Variants in NRXN1 observed in about 807,000 individuals in gnomAD.
NRXN1 encodes neurexin 1.
A neutral mutation model predicts 150.9 loss-of-function variants in NRXN1; 39 were observed. The observed-to-expected ratio is 0.26, with a 90% CI of 0.20 to 0.34. The LOEUF (loss-of-function observed/expected upper bound fraction) is 0.34. Among genes scored for constraint, NRXN1 ranks in the 10% least tolerant of loss-of-function variants. NRXN1 has a pLI of 1.00. For missense variants in NRXN1, 1,815 were observed against 1,949.9 expected, an observed-to-expected ratio of 0.93 and a Z score of 1.30; for synonymous variants, 924 against 757.0, an observed-to-expected ratio of 1.22 and a Z score of -3.62.
chr2:49,965,541 T>C (rs953501424), intron 21 of NRXN1, among the ~76,000 whole-genome samples: 4 of 152,194 alleles, frequency 2.6e-5, no homozygotes, highest in Non-Finnish European at 5.9e-5. Context: ...GTGCTGGGAT[T>C]ACAGGTGTGA....
chr2:49,922,014 T>G lies in NRXN1; in HGVS notation c.4454A>C (p.Glu1485Ala). ...SAQSNGAVVK[E>A]KQPSSAKSSN... The stretch of plus-strand genomic sequence containing the variant: ...GCTTTTCGCACTGCTGGGTTGTTTC[T>G]CCTTTACAACAGCCCCATTGGACTG... Residue 1485 changes from glutamate (E) to alanine (A), a missense_variant, in exon 23 of 23, where the codon GAG (glutamate) becomes GCG (alanine). Glu to Ala is a moderately radical substitution (Grantham distance 107). Transcript: ENST00000401669. 2 of 1,614,204 alleles carry G rather than the reference T, an allele frequency of 1.2e-6. No homozygotes were observed. The highest frequency in any genetic ancestry group is 1.7e-6 in the Non-Finnish European group (2 of 1,180,024).
intron 2 of NRXN1, among the ~76,000 whole-genome samples, chr2:50,955,294 T>C (rs1287173206): frequency 2.6e-5 from 4 of 152,202 alleles, no homozygotes; most frequent in Non-Finnish European, 4.4e-5. Flanking sequence ...GAGGGACGGC[T>C]GGCCCTGACT....
In NRXN1 at chr2:50,552,999, C is replaced by G; in HGVS notation, c.1347G>C (p.Arg449Ser). The change falls in exon 9 of 23, where the codon AGG becomes AGC. Residue 449 changes from arginine (R) to serine (S), a missense_variant. Coordinates refer to ENST00000401669, the MANE Select transcript of NRXN1 (RefSeq NM_001330078.2). ...GCTTGGCAAGTCGAGATAATTCCAG[C>G]CTCACATCATTATTTTTATATACAA... ...KEVVYKNNDV[R>S]LELSRLAKQG... The G allele has an allele frequency of 6.2e-7, 1 of 1,610,690 alleles. No homozygotes were observed. The highest frequency in any genetic ancestry group is 8.5e-7 in the Non-Finnish European group (1 of 1,178,264).
intron 2 of NRXN1, among the ~76,000 whole-genome samples, chr2:51,003,305 C>T (rs1392230602): frequency 6.6e-6 from 1 of 151,850 alleles, no homozygotes; most frequent in East Asian, 1.9e-4. Context: ...CACTTATTTA[C>T]CCTGTAGCAT....
chr2:50,560,525 C>A (rs1396867578), intron 8 of NRXN1, among the ~76,000 whole-genome samples: 1 of 151,990 alleles, frequency 6.6e-6, no homozygotes, highest in African/African-American at 2.4e-5. Flanking sequence ...CTCTGCTGCC[C>A]AGGTACAAGC....
At chr2:50,320,954 A>G (rs535934169) in intron 17 of NRXN1, among the ~76,000 whole-genome samples, 204 of 152,258 alleles carry the variant, frequency 1.3e-3, no homozygotes, top group African/African-American at 4.6e-3. Context: ...TGCAGCCTGA[A>G]AGTTGTGTAG....
At chr2:51,001,882 T>C (rs941547629) in intron 2 of NRXN1, among the ~76,000 whole-genome samples, 1 of 151,922 alleles carries the variant, frequency 6.6e-6, no homozygotes, top group African/African-American at 2.4e-5. Context: ...TTTTCTGACC[T>C]TCTCCTGAAG....
intron 19 of NRXN1, among the ~76,000 whole-genome samples, chr2:50,083,766 C>T (rs1445565837): frequency 6.6e-6 from 1 of 152,120 alleles, no homozygotes; most frequent in East Asian, 1.9e-4. Flanking sequence ...AATCCCTGAG[C>T]TAGACACAAA....
intron 2 of NRXN1, among the ~76,000 whole-genome samples, chr2:50,963,079 T>C (rs1693468427): frequency 6.6e-6 from 1 of 151,654 alleles, no homozygotes; most frequent in African/African-American, 2.4e-5. Context: ...ACACAAGTGT[T>C]GTCTTAATTG....
intron 5 of NRXN1, among the ~76,000 whole-genome samples, chr2:50,867,484 C>T (rs1004989755): frequency 2.6e-5 from 4 of 151,818 alleles, no homozygotes; most frequent in Non-Finnish European, 4.4e-5. Context: ...ATTCTGCTCT[C>T]CAGGGTGCAC....
At chr2:50,008,587 C>T (rs2152542227) in intron 21 of NRXN1, among the ~76,000 whole-genome samples, 1 of 150,818 alleles carries the variant, frequency 6.6e-6, no homozygotes, top group East Asian at 2.0e-4. Context: ...ATTCCTTCCT[C>T]CCTAGAAAAG....
chr2:50,289,101 G>A (rs1238261338), intron 17 of NRXN1, among the ~76,000 whole-genome samples: 1 of 152,088 alleles, frequency 6.6e-6, no homozygotes, highest in Non-Finnish European at 1.5e-5. Flanking sequence ...AGAACTGGAT[G>A]GGAAGTTAGC....
chr2:50,156,533 A>C (rs959624884), intron 18 of NRXN1, among the ~76,000 whole-genome samples: 7 of 151,968 alleles, frequency 4.6e-5, no homozygotes, highest in Non-Finnish European at 7.4e-5. Flanking sequence ...GAATGTGGAC[A>C]CATTTTATAA....
chr2:49,936,442 T>A (rs1160445370), intron 22 of NRXN1, among the ~76,000 whole-genome samples: 1 of 152,136 alleles, frequency 6.6e-6, no homozygotes, highest in East Asian at 1.9e-4. Context: ...GTTAAACCCT[T>A]AGTATGTGGT....
chr2:50,334,601 AC>A (rs2077064033), intron 17 of NRXN1, among the ~76,000 whole-genome samples: 3 of 152,084 alleles, frequency 2.0e-5, no homozygotes, highest in Non-Finnish European at 4.4e-5. Flanking sequence ...AATGGCAGGC[AC>A]TCCATCACAA....
intron 12 of NRXN1, among the ~76,000 whole-genome samples, chr2:50,522,733 T>C (rs1308043174): frequency 1.6e-5 from 2 of 123,596 alleles, no homozygotes; most frequent in East Asian, 2.3e-4. Context: ...TTTTTTTTTT[T>C]TTTTTTTTTT....
intron 21 of NRXN1, among the ~76,000 whole-genome samples, chr2:49,984,718 A>ACACACACACACACAC (rs1680601343): frequency 6.8e-6 from 1 of 146,844 alleles, no homozygotes; most frequent in African/African-American, 2.5e-5. Flanking sequence ...AGAACACACA[A>ACACACACACACACAC]ACACACACAC....
chr2:50,381,892 T>C (rs2080998028), intron 17 of NRXN1, among the ~76,000 whole-genome samples: 2 of 152,110 alleles, frequency 1.3e-5, no homozygotes, highest in African/African-American at 4.8e-5. Flanking sequence ...TCTGGGGCCA[T>C]AGATGCATAC....
At chr2:50,764,761 C>G (rs1005365102) in intron 5 of NRXN1, among the ~76,000 whole-genome samples, 23 of 151,952 alleles carry the variant, frequency 1.5e-4, no homozygotes, top group African/African-American at 5.1e-4. Flanking sequence ...GAGTGAGGAT[C>G]ATGAATGTGA....
Sources: gnomAD v4.1 joint callset for allele counts (sites outside exome capture counted in the v4.1 genomes callset) on GRCh38, gnomAD v4.1.1 for gene constraint, MANE v1.5 for transcripts, NCBI Gene and HGNC (gene_info 2026-07-23, HGNC 2026-07-21) for gene names.